Variants in CSMD1 observed in about 807,000 individuals in gnomAD.
The protein encoded by CSMD1 is CUB and Sushi multiple domains 1, also known as CUB and sushi domain-containing protein 1.
In CSMD1, 213 loss-of-function variants were observed where a neutral mutation model predicts 417.5. That is an observed-to-expected ratio of 0.51 (90% CI 0.46 to 0.57). The LOEUF (loss-of-function observed/expected upper bound fraction) is 0.57. CSMD1 is among the 20% of genes least tolerant of loss of function. CSMD1 has a pLI of 0.00. For synonymous variants in CSMD1, 2,862 were observed against 1,736.8 expected, an observed-to-expected ratio of 1.65 and a Z score of -16.11; for missense variants, 6,923 against 4,529.7, an observed-to-expected ratio of 1.53 and a Z score of -15.17.
chr8:3,940,640 C>T (rs2554616), intron 5 of CSMD1, among the ~76,000 whole-genome samples: 124,210 of 151,560 alleles, frequency 0.82, 51,052 homozygotes, highest in African/African-American at 0.88. Flanking sequence ...GTAACCTTAA[C>T]TTTCTTGTTT....
chr8:3,851,381 G>C (rs567510028), intron 5 of CSMD1, among the ~76,000 whole-genome samples: 5 of 152,278 alleles, frequency 3.3e-5, no homozygotes, highest in South Asian at 2.1e-4. Context: ...AACCACTTTT[G>C]TTATCTCTTT....
At chr8:4,299,820 G>A (rs1336023954) in intron 3 of CSMD1, among the ~76,000 whole-genome samples, 1 of 151,684 alleles carries the variant, frequency 6.6e-6, no homozygotes, top group Non-Finnish European at 1.5e-5. Context: ...TAGTACAGAT[G>A]GGTTTTCACC....
At chr8:4,054,324 C>G (rs370822808) in intron 3 of CSMD1, among the ~76,000 whole-genome samples, 13 of 152,116 alleles carry the variant, frequency 8.5e-5, no homozygotes, top group African/African-American at 2.9e-4. Context: ...CTCTGGGGAG[C>G]TGGGGTAGGA....
intron 3 of CSMD1, among the ~76,000 whole-genome samples, chr8:4,163,238 A>G (rs1468412720): frequency 3.3e-5 from 5 of 152,144 alleles, no homozygotes; most frequent in Non-Finnish European, 7.3e-5. Flanking sequence ...TAGCTCCTTC[A>G]GATAAATAAC....
At chr8:4,537,392 A>G (rs1257125610) in intron 2 of CSMD1, among the ~76,000 whole-genome samples, 1 of 152,144 alleles carries the variant, frequency 6.6e-6, no homozygotes, top group Non-Finnish European at 1.5e-5. Context: ...GCAATGTAAT[A>G]TTGCATATAG....
rs1259149859 is a variant in CSMD1 at position 2,951,131 on chromosome 8, A to C, written c.10184T>G (p.Val3395Gly). The C allele has an allele frequency of 6.2e-7, 1 of 1,613,184 alleles. No homozygotes were observed. The highest frequency in any genetic ancestry group is 1.7e-5 in the Admixed American group (1 of 59,946). The part of the protein sequence containing the change: ...VNATFSEASP[V>G]ELKLTGIYKK... Reference sequence around the variant, plus strand: ...GGACCTACCTGTCAACTTCAGCTCCACTGGCGAGGCTTCGCTGAAGGTGGC... The same window carrying C: ...GGACCTACCTGTCAACTTCAGCTCCCCTGGCGAGGCTTCGCTGAAGGTGGC... Residue 3395 changes from valine to glycine, a missense_variant, in exon 66 of 70, where the codon GTG becomes GGG. Physicochemically the swap from Val to Gly is moderately radical, Grantham distance 109 (BLOSUM62 -3). Coordinates refer to ENST00000635120, the MANE Select transcript of CSMD1 (RefSeq NM_033225.6).
intron 1 of CSMD1, among the ~76,000 whole-genome samples, chr8:4,954,292 G>T (rs1481447994): frequency 6.6e-6 from 1 of 152,152 alleles, no homozygotes; most frequent in Non-Finnish European, 1.5e-5. Context: ...CAACAGAGGT[G>T]CAAATAACAG....
At chr8:4,613,332 A>G (rs191423637) in intron 2 of CSMD1, among the ~76,000 whole-genome samples, 1 of 152,190 alleles carries the variant, frequency 6.6e-6, no homozygotes, top group Non-Finnish European at 1.5e-5. Flanking sequence ...GCAGGTGGCC[A>G]TGTCTACAGG....
At chr8:4,590,988 A>G (rs1799955205) in intron 2 of CSMD1, among the ~76,000 whole-genome samples, 1 of 152,202 alleles carries the variant, frequency 6.6e-6, no homozygotes, top group Non-Finnish European at 1.5e-5. Context: ...TAGTCTTCAT[A>G]TCTCACCTGT....
At chr8:4,821,296 C>T (rs1039165870) in intron 1 of CSMD1, among the ~76,000 whole-genome samples, 1 of 151,994 alleles carries the variant, frequency 6.6e-6, no homozygotes, top group African/African-American at 2.4e-5. Flanking sequence ...GGAACATGTG[C>T]CAGTATAATC....
intron 2 of CSMD1, among the ~76,000 whole-genome samples, chr8:4,476,040 G>C (rs577560577): frequency 6.6e-6 from 1 of 151,960 alleles, no homozygotes; most frequent in African/African-American, 2.4e-5. Context: ...GTATTATTTA[G>C]AAAATTTCTG....
chr8:4,565,228 G>C (rs562078760), intron 2 of CSMD1, among the ~76,000 whole-genome samples: 4 of 152,272 alleles, frequency 2.6e-5, no homozygotes, highest in South Asian at 2.1e-4. Context: ...AACTTCAAGG[G>C]AAATTGGATT....
At chr8:3,813,551 C>T (rs768470878) in intron 5 of CSMD1, among the ~76,000 whole-genome samples, 3 of 152,030 alleles carry the variant, frequency 2.0e-5, no homozygotes, top group African/African-American at 4.8e-5. Context: ...TATAACACAA[C>T]GTAGGAGTCT....
chr8:3,038,813 C>T (rs549820477), intron 50 of CSMD1, among the ~76,000 whole-genome samples: 20 of 152,192 alleles, frequency 1.3e-4, no homozygotes, highest in African/African-American at 4.1e-4. Flanking sequence ...ATGATGAAGA[C>T]GACCTTAAAC....
intron 5 of CSMD1, among the ~76,000 whole-genome samples, chr8:3,934,434 A>C (rs1810350560): frequency 6.6e-6 from 1 of 152,172 alleles, no homozygotes; most frequent in African/African-American, 2.4e-5. Flanking sequence ...AATTGTTAAA[A>C]ATTGTTCTCA....
rs187434037 is a variant in CSMD1 at position 4,473,295 on chromosome 8, A to C, written c.303-53230T>G. Among the ~76,000 whole-genome samples, 22 of 152,362 alleles carry C rather than the reference A, an allele frequency of 1.4e-4. No homozygotes were observed. In the East Asian group the frequency reaches 4.2e-3, roughly 29 times the overall value. On this transcript the variant is annotated intron_variant, in intron 2 of 69. Coordinates refer to ENST00000635120, the MANE Select transcript of CSMD1 (RefSeq NM_033225.6). ...TTTCGGATTTAGAAATATGACAATC[A>C]ATGTGAGTTCTTAACACAAAAGGAG...
chr8:4,320,656 G>A (rs1402560347), intron 3 of CSMD1, among the ~76,000 whole-genome samples: 1 of 152,078 alleles, frequency 6.6e-6, no homozygotes, highest in Non-Finnish European at 1.5e-5. Flanking sequence ...ATGGTTTACA[G>A]CTTCATCGAT....
At chr8:4,601,188 C>G (rs948292607) in intron 2 of CSMD1, among the ~76,000 whole-genome samples, 1 of 152,156 alleles carries the variant, frequency 6.6e-6, no homozygotes, top group African/African-American at 2.4e-5. Flanking sequence ...CTCCTAACCT[C>G]AGATGATCCC....
At position 3,565,215 on chromosome 8, in the gene CSMD1, G is replaced by GATAGATAGATAGAT. The variant is rs58029640; in HGVS notation, c.1344+9729_1344+9730insATCTATCTATCTAT. Among the ~76,000 whole-genome samples the GATAGATAGATAGAT allele has an allele frequency of 3.5e-3, 491 of 139,272 alleles. 6 individuals carry two copies. Among genetic ancestry groups the GATAGATAGATAGAT allele is most frequent in the African/African-American group, 0.012 (445 of 37,850 alleles). 91.4% of individuals were successfully genotyped at this position (139,272 alleles called of 152,430 possible). On this transcript the variant is annotated intron_variant, in intron 10 of 69. Coordinates refer to ENST00000635120, the MANE Select transcript of CSMD1 (RefSeq NM_033225.6). ...ATAGATAGACAGATAGATAGATAGAGAGATAGACAGATAGATAGATTAATG... is the reference window on the plus strand; with the variant it reads ...ATAGATAGACAGATAGATAGATAGAGATAGATAGATAGATAGATAGACAGATAGATAGATTAATG...
Sources: gnomAD v4.1 joint callset for allele counts (sites outside exome capture counted in the v4.1 genomes callset) on GRCh38, gnomAD v4.1.1 for gene constraint, MANE v1.5 for transcripts, NCBI Gene and HGNC (gene_info 2026-07-23, HGNC 2026-07-21) for gene names.